NDUFAF2: variants seen among roughly 807,000 people sequenced by gnomAD.
NDUFAF2 encodes NADH dehydrogenase [ubiquinone] 1 alpha subcomplex assembly factor 2.
In NDUFAF2, 13 loss-of-function variants were observed where a neutral mutation model predicts 22.8. The observed-to-expected ratio is 0.57, with a 90% CI of 0.37 to 0.91. The LOEUF is 0.91. NDUFAF2 is among the 40% of genes least tolerant of loss of function. NDUFAF2 has a pLI of 0.01. For missense variants in NDUFAF2, 162 were observed against 195.2 expected, an observed-to-expected ratio of 0.83 and a Z score of 1.01; for synonymous variants, 53 against 64.2, an observed-to-expected ratio of 0.83 and a Z score of 0.84.
At chr5:60,950,344 G>A (rs1439658892) in intron 1 of NDUFAF2, among the ~76,000 whole-genome samples, 4 of 152,006 alleles carry the variant, frequency 2.6e-5, no homozygotes, top group African/African-American at 9.7e-5. Flanking sequence ...GTGCCACTAT[G>A]CCTGGCTAAT....
chr5:61,061,629 A>T (rs1752166701), intron 1 of NDUFAF2, among the ~76,000 whole-genome samples: 1 of 152,184 alleles, frequency 6.6e-6, no homozygotes, highest in Non-Finnish European at 1.5e-5. Context: ...AGAGAATTGC[A>T]TTCACTTGTA....
intron 1 of NDUFAF2, among the ~76,000 whole-genome samples, chr5:61,025,363 A>C (rs1751636324): frequency 6.6e-6 from 1 of 152,040 alleles, no homozygotes; most frequent in Admixed American, 6.6e-5. Context: ...AGGACTATGA[A>C]TTATTTTGTT....
intron 3 of NDUFAF2, among the ~76,000 whole-genome samples, chr5:61,144,922 C>G (rs994525566): frequency 6.6e-6 from 1 of 152,074 alleles, no homozygotes; most frequent in Non-Finnish European, 1.5e-5. Context: ...CTAATAACTT[C>G]CATAGCAGTA....
intron 1 of NDUFAF2, among the ~76,000 whole-genome samples, chr5:61,010,034 A>G (rs1029986089): frequency 6.6e-6 from 1 of 152,114 alleles, no homozygotes. Flanking sequence ...TCTGTCAATT[A>G]GACTTTGTAA....
At position 61,152,898 on chromosome 5, in the gene NDUFAF2, T is replaced by G; in HGVS notation, c.453T>G (p.Gly151=). The change falls in exon 4 of 4, where the codon GGT becomes GGG. Residue 151 remains glycine (G), a synonymous_variant. Transcript: ENST00000296597. Reference sequence around the variant, plus strand: ...CCTCAGTGGCTCCCAGCAGCACTGGTAAAACCTTTCAGCCAGGATCCTGGA... The same window carrying G: ...CCTCAGTGGCTCCCAGCAGCACTGGGAAAACCTTTCAGCCAGGATCCTGGA... ...EEPSVAPSST[G]KTFQPGSWMP... 6.2e-7 allele frequency: 1 copy of G among 1,613,278 alleles called. No individual in the cohort carries two copies. The highest frequency in any genetic ancestry group is 8.5e-7 in the Non-Finnish European group (1 of 1,179,504).
chr5:61,056,483 A>G (rs1006337951), intron 1 of NDUFAF2, among the ~76,000 whole-genome samples: 1 of 152,172 alleles, frequency 6.6e-6, no homozygotes, highest in Non-Finnish European at 1.5e-5. Context: ...ATATCTTTCT[A>G]ACAGCGAACT....
At chr5:61,062,272 A>G (rs1456720485) in intron 1 of NDUFAF2, among the ~76,000 whole-genome samples, 1 of 152,172 alleles carries the variant, frequency 6.6e-6, no homozygotes, top group Non-Finnish European at 1.5e-5. Flanking sequence ...GAGGAAACTC[A>G]TTAAGAAAGA....
intron 3 of NDUFAF2, among the ~76,000 whole-genome samples, chr5:61,112,247 C>G (rs1752854119): frequency 7.4e-6 from 1 of 135,750 alleles, no homozygotes; most frequent in Admixed American, 7.7e-5. Flanking sequence ...CAGAGTCTCT[C>G]TCTGTCACCA....
At chr5:60,964,287 T>G (rs1032323428) in intron 1 of NDUFAF2, among the ~76,000 whole-genome samples, 1 of 152,168 alleles carries the variant, frequency 6.6e-6, no homozygotes, top group Non-Finnish European at 1.5e-5. Flanking sequence ...TTTTTTAAAT[T>G]AACAAATAAG....
intron 1 of NDUFAF2, among the ~76,000 whole-genome samples, chr5:61,070,105 T>C (rs908127448): frequency 6.6e-6 from 1 of 152,180 alleles, no homozygotes; most frequent in Non-Finnish European, 1.5e-5. Context: ...TTAGGACTTA[T>C]TGAACCTACA....
intron 1 of NDUFAF2, among the ~76,000 whole-genome samples, chr5:61,069,315 T>A (rs1189548032): frequency 6.6e-6 from 1 of 152,194 alleles, no homozygotes; most frequent in African/African-American, 2.4e-5. Flanking sequence ...TTGGTTTCTA[T>A]GCCCTGTAAC....
intron 3 of NDUFAF2, among the ~76,000 whole-genome samples, chr5:61,124,734 T>C (rs2111803577): frequency 6.6e-6 from 1 of 152,284 alleles, no homozygotes; most frequent in South Asian, 2.1e-4. Flanking sequence ...CATCACTGTG[T>C]TCAATTGGAT....
At chr5:61,033,328 C>T (rs970756418) in intron 1 of NDUFAF2, among the ~76,000 whole-genome samples, 1 of 152,054 alleles carries the variant, frequency 6.6e-6, no homozygotes, top group Non-Finnish European at 1.5e-5. Flanking sequence ...TATGTGAAGA[C>T]AGTGATGTGA....
At chr5:60,979,616 T>G (rs1212045539) in intron 1 of NDUFAF2, among the ~76,000 whole-genome samples, 1 of 152,128 alleles carries the variant, frequency 6.6e-6, no homozygotes, top group Non-Finnish European at 1.5e-5. Flanking sequence ...GAACTTTGTC[T>G]TGTGGCTCAG....
At chr5:61,058,742 TTGTAGACAA>T (rs1752129285) in intron 1 of NDUFAF2, among the ~76,000 whole-genome samples, 1 of 152,050 alleles carries the variant, frequency 6.6e-6, no homozygotes, top group South Asian at 2.1e-4. Context: ...ACTTCATACA[TTGTAGACAA>T]TTTAGCTTTA....
Position 61,084,038 on chromosome 5 carries a change from TG to T in NDUFAF2, c.217+10825del, listed in dbSNP as rs1308699474. Among the ~76,000 whole-genome samples, 31 of 151,862 alleles carry T rather than the reference TG, an allele frequency of 2.0e-4. 2 individuals carry two copies. The East Asian group carries it at 5.0e-3, about 25-fold the overall frequency. On this transcript the variant is annotated intron_variant, in intron 2 of 3. Coordinates refer to ENST00000296597, the MANE Select transcript of NDUFAF2 (RefSeq NM_174889.5). ...CTGGTAAAAGTGAACAACTTTGCCT[TG>T]TTCTTGATCTTAGCAGGAAAGCATT...
intron 1 of NDUFAF2, among the ~76,000 whole-genome samples, chr5:60,966,532 G>C (rs1750760233): frequency 6.6e-6 from 1 of 152,086 alleles, no homozygotes; most frequent in Admixed American, 6.5e-5. Context: ...GTTGATTTTT[G>C]AATATAGTGT....
intron 1 of NDUFAF2, among the ~76,000 whole-genome samples, chr5:60,981,049 C>G (rs146762911): frequency 0.013 from 1,992 of 152,114 alleles, 19 homozygotes; most frequent in Non-Finnish European, 0.022. Context: ...CTTCCCAAAG[C>G]TTAGAGAAAG....
At chr5:60,956,846 TATC>T (rs1750622773) in intron 1 of NDUFAF2, among the ~76,000 whole-genome samples, 1 of 152,198 alleles carries the variant, frequency 6.6e-6, no homozygotes, top group African/African-American at 2.4e-5. Context: ...TTATTTATAA[TATC>T]ATCTCCTGAA....
Sources: allele counts gnomAD v4.1 joint callset (sites outside exome capture counted in the v4.1 genomes callset), GRCh38; gene constraint gnomAD v4.1.1; transcripts MANE v1.5; gene names NCBI Gene and HGNC (gene_info 2026-07-23, HGNC 2026-07-21).